HCRTR2: variants seen among roughly 807,000 people sequenced by gnomAD.
HCRTR2 encodes the protein hypocretin receptor 2, also known as orexin receptor type 2.
A neutral mutation model predicts 49.0 loss-of-function variants in HCRTR2; 22 were observed. The ratio of observed to expected loss-of-function variants is 0.45; its 90% confidence interval spans 0.32 to 0.64. The LOEUF is 0.64. Ranked by LOEUF, HCRTR2 falls within the 30% of genes least tolerant of loss-of-function variation. The pLI is 0.04. For missense variants in HCRTR2, 491 were observed against 559.4 expected (o/e 0.88, Z 1.23); for synonymous variants, 236 against 205.3 (o/e 1.15, Z -1.28).
intron 6 of HCRTR2, among the ~76,000 whole-genome samples, chr6:55,281,699 A>C (rs545049410): frequency 6.6e-6 from 1 of 152,024 alleles, no homozygotes; most frequent in African/African-American, 2.4e-5. Context: ...TTCCCCCTTC[A>C]GTTTTTGTTC....
chr6:55,185,521 C>T (rs1300925816), intron 1 of HCRTR2, among the ~76,000 whole-genome samples: 1 of 152,130 alleles, frequency 6.6e-6, no homozygotes, highest in African/African-American at 2.4e-5. Flanking sequence ...CATGTACATA[C>T]CTCACACATG....
At chr6:55,145,915 T>C (rs2127255564) in intron 1 of HCRTR2, among the ~76,000 whole-genome samples, 1 of 152,266 alleles carries the variant, frequency 6.6e-6, no homozygotes, top group Admixed American at 6.5e-5. Flanking sequence ...ATATAAGTTG[T>C]AATCCCTCAA....
chr6:55,164,003 G>C (rs1387380633), intron 1 of HCRTR2, among the ~76,000 whole-genome samples: 1 of 152,138 alleles, frequency 6.6e-6, no homozygotes, highest in Non-Finnish European at 1.5e-5. Flanking sequence ...CATTTATGTG[G>C]CCAAGAAACA....
chr6:55,216,579 A>T (rs1284524183), intron 1 of HCRTR2, among the ~76,000 whole-genome samples: 4 of 152,246 alleles, frequency 2.6e-5, no homozygotes, highest in African/African-American at 9.6e-5. Flanking sequence ...AGCAGGGCAC[A>T]TATTAAATTG....
chr6:55,157,076 A>G (rs991077607), intron 1 of HCRTR2, among the ~76,000 whole-genome samples: 1 of 152,204 alleles, frequency 6.6e-6, no homozygotes, highest in African/African-American at 2.4e-5. Flanking sequence ...GAAAGGAAGT[A>G]AAATTACCTC....
At chr6:55,230,023 T>C (rs921696798) in intron 1 of HCRTR2, among the ~76,000 whole-genome samples, 3 of 152,158 alleles carry the variant, frequency 2.0e-5, no homozygotes, top group African/African-American at 7.2e-5. Context: ...AAGTAAGGTA[T>C]GGTACAGGGT....
intron 3 of HCRTR2, among the ~76,000 whole-genome samples, chr6:55,262,331 T>C (rs1309334429): frequency 7.0e-6 from 1 of 142,472 alleles, no homozygotes; most frequent in Admixed American, 7.5e-5. Context: ...ATATATTATA[T>C]GTTATATATA....
At chr6:55,157,173 A>G (rs1371360501) in intron 1 of HCRTR2, among the ~76,000 whole-genome samples, 1 of 152,214 alleles carries the variant, frequency 6.6e-6, no homozygotes, top group Non-Finnish European at 1.5e-5. Context: ...TGGGTTCTAC[A>G]AAGTTGCAGG....
intron 5 of HCRTR2, among the ~76,000 whole-genome samples, chr6:55,279,270 C>G (rs1159718275): frequency 6.6e-6 from 1 of 151,882 alleles, no homozygotes; most frequent in Admixed American, 6.6e-5. Flanking sequence ...AAAACCATTC[C>G]TAGCTTTTTC....
At chr6:55,163,822 T>C (rs943864009) in intron 1 of HCRTR2, among the ~76,000 whole-genome samples, 1 of 152,056 alleles carries the variant, frequency 6.6e-6, no homozygotes, top group South Asian at 2.1e-4. Context: ...AAAGAAACTA[T>C]CATCAGAGTG....
At chr6:55,109,007 G>T (rs1302974449) in intron 1 of HCRTR2, among the ~76,000 whole-genome samples, 1 of 152,042 alleles carries the variant, frequency 6.6e-6, no homozygotes, top group African/African-American at 2.4e-5. Flanking sequence ...CTCCCCTCCT[G>T]CTACCTCCAC....
chr6:55,282,532 C>A lies in HCRTR2; in HGVS notation c.*78C>A. On this transcript the variant is annotated 3_prime_UTR_variant, in exon 7 of 7. Coordinates refer to ENST00000370862, the MANE Select transcript of HCRTR2 (RefSeq NM_001384272.1). ...CACTGGGAACAGAAATTTTATTATC[C>A]TATGATGTGAAGCTAAAATTACTTG... is the stretch of plus-strand genomic sequence containing the variant. 3 of 805,316 alleles carry A rather than the reference C, an allele frequency of 3.7e-6. No individual in the cohort carries two copies. The South Asian group carries it at 4.5e-5, about 12-fold the overall frequency. 49.9% of individuals were successfully genotyped at this position (805,316 alleles called of 1,614,324 possible).
intron 1 of HCRTR2, among the ~76,000 whole-genome samples, chr6:55,233,238 A>G (rs192128133): frequency 1.3e-5 from 2 of 152,034 alleles, no homozygotes; most frequent in East Asian, 3.9e-4. Context: ...ACAGGCGCCC[A>G]CCACCAGACT....
At chr6:55,264,260 G>A (rs904889526) in intron 4 of HCRTR2, among the ~76,000 whole-genome samples, 1 of 151,904 alleles carries the variant, frequency 6.6e-6, no homozygotes. Flanking sequence ...GGAACATATA[G>A]GTTAAATCTC....
At chr6:55,251,324 G>A (rs1381719883) in intron 2 of HCRTR2, among the ~76,000 whole-genome samples, 1 of 152,026 alleles carries the variant, frequency 6.6e-6, no homozygotes, top group Non-Finnish European at 1.5e-5. Context: ...TAACGCATTG[G>A]CAAATGCACA....
intron 1 of HCRTR2, among the ~76,000 whole-genome samples, chr6:55,135,928 C>T (rs914323935): frequency 1.3e-5 from 2 of 152,142 alleles, no homozygotes; most frequent in African/African-American, 4.8e-5. Flanking sequence ...CCCAGCATTT[C>T]TTATGTTGAG....
chr6:55,245,328 G>A (rs909539487), intron 1 of HCRTR2, among the ~76,000 whole-genome samples: 3 of 144,776 alleles, frequency 2.1e-5, no homozygotes, highest in African/African-American at 5.1e-5. Context: ...AGGATTGAAA[G>A]GTAAATATCC....
At chr6:55,278,243 G>T (rs748840808) in intron 5 of HCRTR2, among the ~76,000 whole-genome samples, 5 of 152,202 alleles carry the variant, frequency 3.3e-5, no homozygotes, top group Non-Finnish European at 5.9e-5. Context: ...TTTGACCCAT[G>T]ACATGAGCAG....
chr6:55,137,148 C>T (rs1304597169), intron 1 of HCRTR2, among the ~76,000 whole-genome samples: 1 of 152,098 alleles, frequency 6.6e-6, no homozygotes, highest in Non-Finnish European at 1.5e-5. Flanking sequence ...CATTAAAAAC[C>T]CTTATGAAAT....
Sources: allele counts gnomAD v4.1 joint callset (sites outside exome capture counted in the v4.1 genomes callset), GRCh38; gene constraint gnomAD v4.1.1; transcripts MANE v1.5; gene names NCBI Gene and HGNC (gene_info 2026-07-23, HGNC 2026-07-21).